GANAB: variants seen among roughly 807,000 people sequenced by gnomAD.
GANAB encodes the protein glucosidase II alpha subunit.
GANAB carries 35 observed loss-of-function variants against 129.9 expected under a neutral mutation model. The observed-to-expected ratio is 0.27, with a 90% confidence interval of 0.21 to 0.36. GANAB has a LOEUF of 0.36. GANAB is among the 10% of genes least tolerant of loss of function. GANAB has a pLI of 1.00. For missense variants in GANAB, 939 were observed against 1,221.0 expected, an observed-to-expected ratio of 0.77 and a Z score of 3.44; for synonymous variants, 482 against 451.8, an observed-to-expected ratio of 1.07 and a Z score of -0.85.
intron 4 of GANAB, among the ~76,000 whole-genome samples, chr11:62,635,706 A>C (rs1438672630): frequency 2.0e-5 from 3 of 151,734 alleles, no homozygotes; most frequent in Admixed American, 2.0e-4. Context: ...GCTCACTGCA[A>C]CCTCCACCTT....
In GANAB at chr11:62,629,634, G is replaced by C; in HGVS notation, c.1788C>G (p.Arg596=). ...GLRQRSGGME[R]PFVLARAFFA... Reference sequence around the variant, plus strand: ...AGAAGGCCCTGGCCAGGACAAAGGGGCGTTCCATGCCCCCAGAGCGCTGTC... The same window carrying C: ...AGAAGGCCCTGGCCAGGACAAAGGGCCGTTCCATGCCCCCAGAGCGCTGTC... The change falls in exon 15 of 24, where the codon CGC becomes CGG. Residue 596 remains arginine, a synonymous_variant. Coordinates refer to ENST00000356638, the MANE Select transcript of GANAB (RefSeq NM_198334.3). The C allele has an allele frequency of 6.2e-7, 1 of 1,613,418 alleles. No homozygotes were observed. The highest frequency in any genetic ancestry group is 8.5e-7 in the Non-Finnish European group (1 of 1,179,768).
At chr11:62,635,246 G>A (rs1483886897) in intron 4 of GANAB, among the ~76,000 whole-genome samples, 5 of 151,090 alleles carry the variant, frequency 3.3e-5, no homozygotes, top group African/African-American at 9.8e-5. Flanking sequence ...GTGCAATGGC[G>A]CAATCTCGGC....
chr11:62,627,741 A>G (rs1030467489), intron 17 of GANAB, among the ~76,000 whole-genome samples: 8 of 152,176 alleles, frequency 5.3e-5, no homozygotes, highest in East Asian at 1.9e-4. Context: ...TCTCAAAAAA[A>G]AAAAGAAAAG....
At chr11:62,626,728 A>G (rs1207025227) in intron 20 of GANAB, 44 bp from the exon 21 acceptor site, 3 of 1,415,032 alleles carry the variant, frequency 2.1e-6, no homozygotes, top group East Asian at 2.4e-5. Flanking sequence ...CCCTTGTCCA[A>G]CCTTGGGCCC....
At chr11:62,645,388 T>C (rs1944433183) in intron 1 of GANAB, among the ~76,000 whole-genome samples, 1 of 151,910 alleles carries the variant, frequency 6.6e-6, no homozygotes. Context: ...TACAAAAAAA[T>C]AGCCAGGCGT....
chr11:62,637,365 C>T (rs766563086), intron 4 of GANAB, among the ~76,000 whole-genome samples: 10 of 152,094 alleles, frequency 6.6e-5, no homozygotes, highest in Non-Finnish European at 1.3e-4. Flanking sequence ...GGGCAGATCA[C>T]GATGTCAGGA....
At chr11:62,627,945 G>C (rs762109792) in intron 17 of GANAB, among the ~76,000 whole-genome samples, 15 of 152,154 alleles carry the variant, frequency 9.9e-5, no homozygotes, top group Non-Finnish European at 2.2e-4. Flanking sequence ...CACCGCCCTG[G>C]CTTACAACCC....
At chr11:62,632,865 A>T in intron 8 of GANAB, 120 bp from the exon 9 acceptor site, 1 of 1,015,864 alleles carries the variant, frequency 9.8e-7, no homozygotes, top group Non-Finnish European at 1.5e-6. Context: ...TTCTCAAAAA[A>T]TTTTCTATCA....
intron 9 of GANAB, 53 bp from the exon 10 acceptor site, chr11:62,631,236 ACCC>A: frequency 6.8e-7 from 1 of 1,472,644 alleles, no homozygotes; most frequent in Non-Finnish European, 9.1e-7. Flanking sequence ...CCATTTTCCA[ACCC>A]CAAGACAAAA....
intron 8 of GANAB, 77 bp from the exon 9 acceptor site, chr11:62,632,822 A>G: frequency 8.3e-7 from 1 of 1,201,506 alleles, no homozygotes; most frequent in Non-Finnish European, 1.2e-6. Flanking sequence ...CCACAGACAC[A>G]GGTGAGAGAT....
chr11:62,628,666 A>T (rs1943516447), intron 17 of GANAB, 103 bp downstream of exon 17: 1 of 1,185,164 alleles, frequency 8.4e-7, no homozygotes. Flanking sequence ...TCCATCCTTT[A>T]CAAGGCTGTA....
intron 17 of GANAB, among the ~76,000 whole-genome samples, chr11:62,628,491 G>A (rs1300588968): frequency 2.0e-5 from 3 of 152,106 alleles, no homozygotes; most frequent in African/African-American, 7.2e-5. Flanking sequence ...GGGATTACAG[G>A]TGTGAGCCAC....
intron 20 of GANAB, 41 bp from the exon 21 acceptor site, chr11:62,626,725 C>T: frequency 7.0e-7 from 1 of 1,429,986 alleles, no homozygotes; most frequent in East Asian, 2.4e-5. Flanking sequence ...GCCCCCTTGT[C>T]CAACCTTGGG....
chr11:62,639,087 C>G lies in GANAB; in HGVS notation c.276G>C (p.Gln92His). The stretch of plus-strand genomic sequence containing the variant: ...ACCGAGTCATGTTCTTTTGAAGCCC[C>G]TGAAGCTCTAGCACCAGCAACACCT... ...VTKVLLVLELQGLQKNMTRFR... is the reference protein window; with the variant it reads ...VTKVLLVLELHGLQKNMTRFR... The change falls in exon 4 of 24, where the codon CAG becomes CAC. Residue 92 changes from glutamine (Q) to histidine (H), a missense_variant. Transcript: ENST00000356638. The G allele has an allele frequency of 1.9e-6, 3 of 1,614,044 alleles. No homozygotes were observed. The Admixed American group carries it at 5.0e-5, about 27-fold the overall frequency.
chr11:62,628,530 G>C (rs1445104147), intron 17 of GANAB, among the ~76,000 whole-genome samples: 1 of 152,004 alleles, frequency 6.6e-6, no homozygotes, highest in Non-Finnish European at 1.5e-5. Context: ...GGGATTTTAT[G>C]ACCACCTAAT....
rs1030450180 is a variant in GANAB, at chr11:62,634,598, C to T, written c.560+223G>A. 1.6e-5 allele frequency: 10 copies of T among 614,660 alleles called. No homozygotes were observed. The Admixed American group carries it at 2.6e-4, about 16-fold the overall frequency. The allele number at this position is 614,660 out of a possible 1,614,324, so 38.1% of individuals were successfully genotyped here. ...GACCCAGGCAGGCCTCCCAGAGATG[C>T]CCAGGGTACAGCTCAGGGACAAAAG... On this transcript the variant is annotated intron_variant, in intron 5 of 23. Transcript: ENST00000356638.
intron 4 of GANAB, among the ~76,000 whole-genome samples, chr11:62,637,516 T>G (rs572086912): frequency 6.6e-6 from 1 of 152,272 alleles, no homozygotes; most frequent in South Asian, 2.1e-4. Flanking sequence ...ATTCCTCTCC[T>G]AGTTATACAC....
At chr11:62,633,829 C>T (rs1943807462) in intron 5 of GANAB, 1 of 475,004 alleles carries the variant, frequency 2.1e-6, no homozygotes, top group Admixed American at 3.6e-5. Context: ...CCAATCCTGG[C>T]TCTGTTGCCT....
At chr11:62,646,044 C>A (rs1198755782) in intron 1 of GANAB, among the ~76,000 whole-genome samples, 1 of 152,228 alleles carries the variant, frequency 6.6e-6, no homozygotes, top group Non-Finnish European at 1.5e-5. Context: ...GGACACTGAA[C>A]TAAGCCAGAG....
Sources: gnomAD v4.1 joint callset for allele counts (sites outside exome capture counted in the v4.1 genomes callset) on GRCh38, gnomAD v4.1.1 for gene constraint, MANE v1.5 for transcripts, NCBI Gene and HGNC (gene_info 2026-07-23, HGNC 2026-07-21) for gene names.